GALNT18: variants seen among roughly 807,000 people sequenced by gnomAD.
GALNT18 encodes the protein polypeptide N-acetylgalactosaminyltransferase 18.
A neutral mutation model predicts 69.5 loss-of-function variants in GALNT18; 44 were observed. The ratio of observed to expected loss-of-function variants is 0.63; its 90% CI spans 0.50 to 0.81. The LOEUF (loss-of-function observed/expected upper bound fraction) is 0.81, where lower values mean the gene tolerates loss of function less well. GALNT18 is among the 40% of genes least tolerant of loss of function. The pLI is 0.00. For missense variants in GALNT18, 715 were observed against 810.0 expected (o/e 0.88, Z 1.42); for synonymous variants, 364 against 318.2 (o/e 1.14, Z -1.53).
Position 11,591,912 on chromosome 11 carries a change from CAT to C in GALNT18, c.235+29445_235+29446del, listed in dbSNP as rs1420474831. On this transcript the variant is annotated intron_variant, in intron 1 of 10. Coordinates refer to ENST00000227756, the MANE Select transcript of GALNT18 (RefSeq NM_198516.3). This position sits in a 1 kb window ranked among gnomAD's most constrained non-coding sequence, Gnocchi z 4.8. ...TAACACAGTCCTCAAGATCAGACCACATAGAGTCAATTCCTATCCCAACACAT... is the reference window on the plus strand; with the variant it reads ...TAACACAGTCCTCAAGATCAGACCACAGAGTCAATTCCTATCCCAACACAT... Among the ~76,000 whole-genome samples the C allele has an allele frequency of 6.6e-6, 1 of 152,192 alleles. No individual in the cohort carries two copies. Among genetic ancestry groups the C allele is most frequent in the African/African-American group, 2.4e-5 (1 of 41,434 alleles).
At chr11:11,558,603 G>A (rs1420200992) in intron 1 of GALNT18, among the ~76,000 whole-genome samples, 1 of 152,228 alleles carries the variant, frequency 6.6e-6, no homozygotes, top group Non-Finnish European at 1.5e-5. Context: ...AAGCATCAGG[G>A]ATGGAAAGTC....
chr11:11,280,277 G>A (rs1438265639), intron 10 of GALNT18, among the ~76,000 whole-genome samples: 2 of 152,112 alleles, frequency 1.3e-5, no homozygotes, highest in East Asian at 3.9e-4. Flanking sequence ...CCTCTGAAAG[G>A]GGCCCTTGGA....
rs1336124527 is a variant in GALNT18 at position 11,454,935 on chromosome 11, T to C, written c.236-5999A>G. Among the ~76,000 whole-genome samples, 1 of 152,166 alleles carries C rather than the reference T, an allele frequency of 6.6e-6. No individual in the cohort carries two copies. Among genetic ancestry groups the C allele is most frequent in the Non-Finnish European group, 1.5e-5 (1 of 68,022 alleles). On this transcript the variant is annotated intron_variant, in intron 1 of 10. Transcript: ENST00000227756. The surrounding 1 kb of genome is among the most constrained non-coding windows in gnomAD (Gnocchi z 4.2). ...ACAGTTGATGGGTCTGTGCAAAGCA[T>C]GACATTTCTGACATTAACAGGCAAA... is the stretch of plus-strand genomic sequence containing the variant.
At chr11:11,361,206 T>C (rs1480504741) in intron 6 of GALNT18, among the ~76,000 whole-genome samples, 4 of 152,216 alleles carry the variant, frequency 2.6e-5, no homozygotes, top group Non-Finnish European at 4.4e-5. Flanking sequence ...ATGAGAAATT[T>C]TGTCAGATTT....
In GALNT18 at chr11:11,444,130, G is replaced by C. The variant is rs1178887781; in HGVS notation, c.428+4614C>G. 1.3e-5 allele frequency among the ~76,000 whole-genome samples: 2 copies of C among 152,112 alleles called. No homozygotes were observed. The highest frequency in any genetic ancestry group is 2.9e-5 in the Non-Finnish European group (2 of 68,006). On this transcript the variant is annotated intron_variant, in intron 2 of 10. Coordinates refer to ENST00000227756, the MANE Select transcript of GALNT18 (RefSeq NM_198516.3). This position sits in a 1 kb window ranked among gnomAD's most constrained non-coding sequence, Gnocchi z 4.4. ...AACTCTCCCCAGGGAAGCCGGCACA[G>C]GGAGGTGCCTTGCAGATGCCACCCT...
intron 6 of GALNT18, among the ~76,000 whole-genome samples, chr11:11,367,351 C>T (rs191308721): frequency 5.1e-4 from 77 of 152,168 alleles, no homozygotes; most frequent in Non-Finnish European, 9.6e-4. Flanking sequence ...TACGAATATC[C>T]CAAGATATTC....
chr11:11,387,591 T>C lies in GALNT18; in HGVS notation c.596-8327A>G, dbSNP rs1168408418. On this transcript the variant is annotated intron_variant, in intron 3 of 10. Transcript: ENST00000227756. The surrounding 1 kb of genome is among the most constrained non-coding windows in gnomAD (Gnocchi z 4.6). ...TTCAGATCAGAAGATTAACTGGCTT[T>C]TCTCTGAAGCCATTTAGGGCCATTG... 6.6e-6 allele frequency among the ~76,000 whole-genome samples: 1 copy of C among 152,262 alleles called. No individual in the cohort carries two copies. Among genetic ancestry groups the C allele is most frequent in the Non-Finnish European group, 1.5e-5 (1 of 68,054 alleles).
intron 6 of GALNT18, among the ~76,000 whole-genome samples, chr11:11,364,191 C>T (rs1850704457): frequency 6.6e-6 from 1 of 152,048 alleles, no homozygotes; most frequent in Admixed American, 6.6e-5. Context: ...TTGTAAATGT[C>T]TCTACAAGAA....
Position 11,465,022 on chromosome 11 carries a change from C to T in GALNT18, c.236-16086G>A, listed in dbSNP as rs1431339663. ...CAGTGGGGAGTTGTTGGGGTGGCTG[C>T]TTATTATTTCTTGTCTTCCCCACCA... On this transcript the variant is annotated intron_variant, in intron 1 of 10. Coordinates refer to ENST00000227756, the MANE Select transcript of GALNT18 (RefSeq NM_198516.3). The surrounding 1 kb of genome is among the most constrained non-coding windows in gnomAD (Gnocchi z 5.7). 6.6e-6 allele frequency among the ~76,000 whole-genome samples: 1 copy of T among 152,098 alleles called. No homozygotes were observed. Among genetic ancestry groups the T allele is most frequent in the Non-Finnish European group, 1.5e-5 (1 of 68,008 alleles).
At chr11:11,472,865 AC>A (rs1469868751) in intron 1 of GALNT18, among the ~76,000 whole-genome samples, 1 of 152,052 alleles carries the variant, frequency 6.6e-6, no homozygotes, top group Non-Finnish European at 1.5e-5. Context: ...AGTGGCTCCC[AC>A]CTGTAGTCCC....
chr11:11,367,762 A>G (rs1850804837), intron 6 of GALNT18, among the ~76,000 whole-genome samples: 2 of 152,252 alleles, frequency 1.3e-5, no homozygotes, highest in African/African-American at 4.8e-5. Flanking sequence ...TGTCCGTTCC[A>G]TACAACTGAG....
intron 1 of GALNT18, among the ~76,000 whole-genome samples, chr11:11,531,968 T>C (rs1241913060): frequency 6.6e-6 from 1 of 152,244 alleles, no homozygotes; most frequent in Non-Finnish European, 1.5e-5. Flanking sequence ...TCTACACACC[T>C]GCAGCTGTGT....
rs1185927734 is a variant in GALNT18, at chr11:11,372,469, C to T, written c.1092+46G>A. The T allele has an allele frequency of 1.4e-6, 2 of 1,474,346 alleles. No individual in the cohort carries two copies. Among genetic ancestry groups the T allele is most frequent in the Non-Finnish European group, 1.9e-6 (2 of 1,052,632 alleles). 91.3% of individuals were successfully genotyped at this position (1,474,346 alleles called of 1,614,324 possible). A position where few individuals can be genotyped will look rare whatever the true frequency, so the allele number is the denominator to read the frequency against. On this transcript the variant is annotated intron_variant, in intron 6 of 10. Coordinates refer to ENST00000227756, the MANE Select transcript of GALNT18 (RefSeq NM_198516.3). The surrounding 1 kb of genome is among the most constrained non-coding windows in gnomAD (Gnocchi z 4.9). Reference sequence around the variant, plus strand: ...TTCTCCACCCCCAGACTCATTCACCCTGGTGGGAGCTGAGCCGAGCAGTTT... The same window carrying T: ...TTCTCCACCCCCAGACTCATTCACCTTGGTGGGAGCTGAGCCGAGCAGTTT...
intron 1 of GALNT18, among the ~76,000 whole-genome samples, chr11:11,490,042 G>C (rs926439122): frequency 6.6e-6 from 1 of 152,158 alleles, no homozygotes; most frequent in African/African-American, 2.4e-5. Flanking sequence ...TTGGAACATG[G>C]TGCCTAATGA....
At position 11,600,639 on chromosome 11, in the gene GALNT18, T is replaced by C. The variant is rs1859610123; in HGVS notation, c.235+20720A>G. ...TGGATGTGGCTTTGTTTTTATCCTA[T>C]ATGAACCTTGTTGAGCTTCTTGGAT... is the stretch of plus-strand genomic sequence containing the variant. On this transcript the variant is annotated intron_variant, in intron 1 of 10. Coordinates refer to ENST00000227756, the MANE Select transcript of GALNT18 (RefSeq NM_198516.3). The surrounding 1 kb of genome is among the most constrained non-coding windows in gnomAD (Gnocchi z 4.8). Among the ~76,000 whole-genome samples, 1 of 152,190 alleles carries C rather than the reference T, an allele frequency of 6.6e-6. No individual in the cohort carries two copies. The highest frequency in any genetic ancestry group is 2.4e-5 in the African/African-American group (1 of 41,466).
intron 1 of GALNT18, among the ~76,000 whole-genome samples, chr11:11,457,171 T>C (rs1855942777): frequency 6.6e-6 from 1 of 152,216 alleles, no homozygotes; most frequent in South Asian, 2.1e-4. Context: ...CTGGCCCCAC[T>C]GGCTCGTGCT....
At chr11:11,502,691 G>A (rs1048521423) in intron 1 of GALNT18, among the ~76,000 whole-genome samples, 11 of 152,232 alleles carry the variant, frequency 7.2e-5, no homozygotes, top group Admixed American at 6.5e-5. Flanking sequence ...CAGCATGCCT[G>A]TATGAAATGC....
intron 1 of GALNT18, among the ~76,000 whole-genome samples, chr11:11,571,424 T>C (rs928902325): frequency 3.9e-5 from 6 of 152,214 alleles, no homozygotes; most frequent in Non-Finnish European, 7.3e-5. Context: ...TCTTCAAAAT[T>C]AGCTCTGCTC....
At position 11,377,075 on chromosome 11, in the gene GALNT18, G is replaced by A. The variant is rs2133686473; in HGVS notation, c.977+107C>T. On this transcript the variant is annotated intron_variant, in intron 5 of 10. Coordinates refer to ENST00000227756, the MANE Select transcript of GALNT18 (RefSeq NM_198516.3). This position sits in a 1 kb window ranked among gnomAD's most constrained non-coding sequence, Gnocchi z 4.6. ...GTTCCTTTCGACCCTGCCCACCCCTGTCATCCCCACGATGGGGCTCAAGTT... is the reference window on the plus strand; with the variant it reads ...GTTCCTTTCGACCCTGCCCACCCCTATCATCCCCACGATGGGGCTCAAGTT... The A allele has an allele frequency of 9.4e-7, 1 of 1,062,722 alleles. No homozygotes were observed. Among genetic ancestry groups the A allele is most frequent in the Non-Finnish European group, 1.4e-6 (1 of 710,658 alleles). The allele number at this position is 1,062,722 out of a possible 1,614,324, so 65.8% of individuals were successfully genotyped here. A position where few individuals can be genotyped will look rare whatever the true frequency, so the allele number is the denominator to read the frequency against.
Sources: gnomAD v4.1 joint callset for allele counts (sites outside exome capture counted in the v4.1 genomes callset) on GRCh38, gnomAD v4.1.1 for gene constraint, Gnocchi (gnomAD v3.1) non-coding constraint, MANE v1.5 for transcripts, NCBI Gene and HGNC (gene_info 2026-07-23, HGNC 2026-07-21) for gene names.